Variants in B3GALT1 observed in about 807,000 individuals in gnomAD.
The protein encoded by B3GALT1 is UDP-Gal:betaGlcNAc beta 1,3-galactosyltransferase, polypeptide 1.
Under a neutral mutation model 23.2 loss-of-function variants are expected in B3GALT1, and 10 were observed. The ratio of observed to expected loss-of-function variants is 0.43; its 90% CI spans 0.27 to 0.73. The LOEUF is 0.73. Among genes scored for constraint, B3GALT1 ranks in the 30% least tolerant of loss-of-function variants. The pLI, the probability that B3GALT1 is intolerant of heterozygous loss-of-function variation, is 0.21. For synonymous variants in B3GALT1, 156 were observed against 141.5 expected (o/e 1.10, Z -0.73); for missense variants, 299 against 405.4 (o/e 0.74, Z 2.25).
At position 167,683,453 on chromosome 2, in the gene B3GALT1, GCA is replaced by G. The variant is rs532039099; in HGVS notation, c.-352+36490_-352+36491del. On this transcript the variant is annotated intron_variant, in intron 3 of 4. Transcript: ENST00000392690. Reference sequence around the variant, plus strand: ...AGATAAAACACATCCAAGGGGCCAGGCACAGTAGCTCATGCCTAGCACTTTGG... The same window carrying G: ...AGATAAAACACATCCAAGGGGCCAGGCAGTAGCTCATGCCTAGCACTTTGG... 9.8e-5 allele frequency among the ~76,000 whole-genome samples: 15 copies of G among 152,310 alleles called. No homozygotes were observed. The South Asian group carries it at 1.2e-3, about 13-fold the overall frequency.
intron 3 of B3GALT1, among the ~76,000 whole-genome samples, chr2:167,795,940 T>A (rs1688539583): frequency 6.6e-6 from 1 of 152,230 alleles, no homozygotes; most frequent in African/African-American, 2.4e-5. Flanking sequence ...ATCATAATCA[T>A]CTGGTTTCTC....
At chr2:167,780,238 A>G (rs1688224670) in intron 3 of B3GALT1, among the ~76,000 whole-genome samples, 1 of 152,210 alleles carries the variant, frequency 6.6e-6, no homozygotes, top group Non-Finnish European at 1.5e-5. Flanking sequence ...TATGGAAGGT[A>G]TTGCATTGCA....
At chr2:167,545,023 CTTTTTTTTTTTTTTTTTT>C (rs869066627) in intron 2 of B3GALT1, among the ~76,000 whole-genome samples, 3 of 54,270 alleles carry the variant, frequency 5.5e-5, no homozygotes, top group Admixed American at 6.2e-4. Context: ...GCTTGGGTGT[CTTTTTTTTTTTTTTTTTT>C]TTTTTTTTTT....
At chr2:167,618,527 A>T (rs1425629759) in intron 2 of B3GALT1, among the ~76,000 whole-genome samples, 1 of 152,038 alleles carries the variant, frequency 6.6e-6, no homozygotes, top group Admixed American at 6.6e-5. Context: ...TGATCAAAAT[A>T]AAAAAAGGTA....
intron 3 of B3GALT1, among the ~76,000 whole-genome samples, chr2:167,708,348 T>G (rs2105515941): frequency 6.6e-6 from 1 of 152,348 alleles, no homozygotes; most frequent in Non-Finnish European, 1.5e-5. Context: ...CAGTGGTTTC[T>G]TCTGGAGCAA....
At chr2:167,748,266 G>C (rs750799728) in intron 3 of B3GALT1, among the ~76,000 whole-genome samples, 1 of 151,616 alleles carries the variant, frequency 6.6e-6, no homozygotes, top group Non-Finnish European at 1.5e-5. Context: ...TGGCAGTTGG[G>C]GGTGACAGTT....
At chr2:167,493,221 T>A (rs1699735653) in intron 2 of B3GALT1, among the ~76,000 whole-genome samples, 1 of 152,192 alleles carries the variant, frequency 6.6e-6, no homozygotes, top group Non-Finnish European at 1.5e-5. Context: ...TTTTTCTGTA[T>A]GTTTGATGCA....
At chr2:167,494,630 C>T (rs1699752969) in intron 2 of B3GALT1, among the ~76,000 whole-genome samples, 1 of 152,046 alleles carries the variant, frequency 6.6e-6, no homozygotes. Context: ...TTTTATGGTA[C>T]TCACAAAATC....
At chr2:167,707,607 G>A (rs1368406376) in intron 3 of B3GALT1, among the ~76,000 whole-genome samples, 1 of 151,858 alleles carries the variant, frequency 6.6e-6, no homozygotes, top group Non-Finnish European at 1.5e-5. Context: ...TCTCTCACAA[G>A]ACATTGCTTC....
intron 2 of B3GALT1, among the ~76,000 whole-genome samples, chr2:167,609,738 A>G (rs1400689173): frequency 6.6e-6 from 1 of 152,160 alleles, no homozygotes; most frequent in Non-Finnish European, 1.5e-5. Context: ...AAGAGGATGG[A>G]ATGCCCAAAG....
chr2:167,776,427 C>T (rs761982693), intron 3 of B3GALT1, among the ~76,000 whole-genome samples: 2 of 152,196 alleles, frequency 1.3e-5, no homozygotes, highest in Non-Finnish European at 2.9e-5. Context: ...CCTTACTAAA[C>T]GTTTTCTCTA....
chr2:167,311,093 A>T (rs1009188345), intron 1 of B3GALT1, among the ~76,000 whole-genome samples: 3 of 152,082 alleles, frequency 2.0e-5, no homozygotes, highest in Non-Finnish European at 4.4e-5. Flanking sequence ...TTTTCTCTTT[A>T]GATTTAAGTC....
chr2:167,293,746 A>G (rs1574020309), intron 1 of B3GALT1, among the ~76,000 whole-genome samples: 1 of 152,104 alleles, frequency 6.6e-6, no homozygotes, highest in Admixed American at 6.5e-5. Flanking sequence ...TGGCTCGTAA[A>G]GAGCCGAGCA....
Position 167,813,003 on chromosome 2 carries a change from C to A in B3GALT1, c.-351-5669C>A, listed in dbSNP as rs1208018253. Among the ~76,000 whole-genome samples, 8 of 139,896 alleles carry A rather than the reference C, an allele frequency of 5.7e-5. No homozygotes were observed. The Admixed American group carries it at 5.8e-4, about 10-fold the overall frequency. 91.8% of individuals were successfully genotyped at this position (139,896 alleles called of 152,430 possible). A position where few individuals can be genotyped will look rare whatever the true frequency, so the allele number is the denominator to read the frequency against. The stretch of plus-strand genomic sequence containing the variant: ...CGCACCACCACCACCCCCACCCCCC[C>A]CCACACAGTTCAGGGTCCCTCTGTT... On this transcript the variant is annotated intron_variant, in intron 3 of 4. Coordinates refer to ENST00000392690, the MANE Select transcript of B3GALT1 (RefSeq NM_020981.4).
intron 2 of B3GALT1, among the ~76,000 whole-genome samples, chr2:167,510,589 TAC>T (rs1022144323): frequency 6.6e-6 from 1 of 152,138 alleles, no homozygotes; most frequent in African/African-American, 2.4e-5. Flanking sequence ...CCAGATGTGT[TAC>T]AAAGGCAAAC....
intron 3 of B3GALT1, among the ~76,000 whole-genome samples, chr2:167,775,366 C>G (rs185058140): frequency 6.6e-6 from 1 of 152,134 alleles, no homozygotes; most frequent in Non-Finnish European, 1.5e-5. Context: ...GTCAGGAGTT[C>G]GAGACCAGCC....
intron 1 of B3GALT1, among the ~76,000 whole-genome samples, chr2:167,304,756 G>A (rs935559502): frequency 1.7e-4 from 26 of 152,166 alleles, no homozygotes; most frequent in African/African-American, 6.0e-4. Flanking sequence ...GGCTTATGTG[G>A]TTAGGGGACC....
intron 2 of B3GALT1, among the ~76,000 whole-genome samples, chr2:167,570,412 C>G (rs557854980): frequency 6.6e-6 from 1 of 151,904 alleles, no homozygotes; most frequent in East Asian, 1.9e-4. Flanking sequence ...TCCATTTCAC[C>G]TAGGTCATCA....
chr2:167,790,059 T>G (rs1688407646), intron 3 of B3GALT1, among the ~76,000 whole-genome samples: 1 of 152,226 alleles, frequency 6.6e-6, no homozygotes, highest in Non-Finnish European at 1.5e-5. Flanking sequence ...TTTGTTTTGT[T>G]TAACCTAATT....
Sources: allele counts gnomAD v4.1 joint callset (sites outside exome capture counted in the v4.1 genomes callset), GRCh38; gene constraint gnomAD v4.1.1; transcripts MANE v1.5; gene names NCBI Gene and HGNC (gene_info 2026-07-23, HGNC 2026-07-21).